CDK19: variants seen among roughly 807,000 people sequenced by gnomAD.
CDK19 encodes cyclin dependent kinase 19, also known as cyclin-dependent kinase 19.
A neutral mutation model predicts 68.3 loss-of-function variants in CDK19; 20 were observed. The ratio of observed to expected loss-of-function variants is 0.29; its 90% confidence interval spans 0.21 to 0.43. CDK19 has a LOEUF of 0.43. CDK19 is among the 20% of genes least tolerant of loss of function. The pLI is 1.00. For missense variants in CDK19, 339 were observed against 623.5 expected, an observed-to-expected ratio of 0.54 and a Z score of 4.86; for synonymous variants, 221 against 222.8, an observed-to-expected ratio of 0.99 and a Z score of 0.07.
intron 1 of CDK19, among the ~76,000 whole-genome samples, chr6:110,808,500 G>A (rs1327776116): frequency 6.6e-6 from 1 of 152,198 alleles, no homozygotes; most frequent in Non-Finnish European, 1.5e-5. Context: ...AATTGCACCA[G>A]AGACAGTAAA....
chr6:110,698,399 G>A (rs1773676745), intron 2 of CDK19, among the ~76,000 whole-genome samples: 1 of 151,620 alleles, frequency 6.6e-6, no homozygotes, highest in Non-Finnish European at 1.5e-5. Context: ...ATAAATATAT[G>A]AAAAAAATGC....
At chr6:110,783,637 C>CAA (rs57653696) in intron 1 of CDK19, among the ~76,000 whole-genome samples, 2 of 89,106 alleles carry the variant, frequency 2.2e-5, no homozygotes, top group East Asian at 2.5e-4. Context: ...GATTCTGTCT[C>CAA]AAAAAAAAAA....
intron 4 of CDK19, among the ~76,000 whole-genome samples, chr6:110,653,122 A>G (rs555316620): frequency 2.0e-5 from 3 of 152,362 alleles, no homozygotes; most frequent in South Asian, 4.1e-4. Flanking sequence ...CAAAATATGA[A>G]TAATAACAAA....
intron 2 of CDK19, among the ~76,000 whole-genome samples, chr6:110,686,191 A>C (rs1255260496): frequency 6.6e-6 from 1 of 152,224 alleles, no homozygotes; most frequent in Non-Finnish European, 1.5e-5. Flanking sequence ...AGGAGACAAA[A>C]TGGACAATTT....
chr6:110,775,177 G>A (rs1458335101), intron 1 of CDK19, among the ~76,000 whole-genome samples: 15 of 151,582 alleles, frequency 9.9e-5, no homozygotes, highest in African/African-American at 3.6e-4. Flanking sequence ...CCCTGGAGGC[G>A]GAGGTTGCAG....
At chr6:110,616,505 T>TA (rs1452538170) in intron 12 of CDK19, among the ~76,000 whole-genome samples, 1 of 151,902 alleles carries the variant, frequency 6.6e-6, no homozygotes, top group Non-Finnish European at 1.5e-5. Context: ...CCATCTCTAC[T>TA]AAAAATACAA....
At chr6:110,629,868 A>G (rs2114691226) in intron 6 of CDK19, among the ~76,000 whole-genome samples, 1 of 152,318 alleles carries the variant, frequency 6.6e-6, no homozygotes, top group Admixed American at 6.5e-5. Context: ...TTATGTTTTT[A>G]TCTTTAAGCG....
chr6:110,628,862 C>T (rs796355325), intron 6 of CDK19, among the ~76,000 whole-genome samples: 11 of 152,324 alleles, frequency 7.2e-5, no homozygotes, highest in African/African-American at 2.6e-4. Context: ...TTTTTAATTA[C>T]ACCATTGCCT....
chr6:110,697,268 A>T (rs1773557311), intron 2 of CDK19, among the ~76,000 whole-genome samples: 2 of 151,766 alleles, frequency 1.3e-5, no homozygotes, highest in Non-Finnish European at 1.5e-5. Flanking sequence ...TAAAAATAAA[A>T]AAATAAATTC....
At chr6:110,686,813 G>C (rs1385937226) in intron 2 of CDK19, among the ~76,000 whole-genome samples, 1 of 152,194 alleles carries the variant, frequency 6.6e-6, no homozygotes, top group Non-Finnish European at 1.5e-5. Context: ...TTTATCCTAT[G>C]TGGCCATAGT....
chr6:110,786,585 T>C (rs1175711889), intron 1 of CDK19, among the ~76,000 whole-genome samples: 2 of 152,090 alleles, frequency 1.3e-5, no homozygotes, highest in Admixed American at 1.3e-4. Flanking sequence ...AGACAATCCT[T>C]TCCATAGGGT....
intron 4 of CDK19, among the ~76,000 whole-genome samples, chr6:110,656,065 C>G (rs1276118124): frequency 6.6e-6 from 1 of 152,184 alleles, no homozygotes; most frequent in Non-Finnish European, 1.5e-5. Context: ...TCTATGAATC[C>G]TTTCCTATTC....
chr6:110,734,177 T>C (rs1776995091), intron 2 of CDK19, among the ~76,000 whole-genome samples: 1 of 152,098 alleles, frequency 6.6e-6, no homozygotes, highest in South Asian at 2.1e-4. Context: ...GTCAGGCTAA[T>C]TTTTGTATTT....
intron 1 of CDK19, among the ~76,000 whole-genome samples, chr6:110,770,967 T>C (rs1205043445): frequency 6.6e-6 from 1 of 152,192 alleles, no homozygotes. Flanking sequence ...ATGTGAGAAG[T>C]GGGTTCCCAT....
chr6:110,664,821 T>C (rs1177468075), intron 4 of CDK19, among the ~76,000 whole-genome samples: 1 of 152,164 alleles, frequency 6.6e-6, no homozygotes. Flanking sequence ...TGGTTCCAAG[T>C]AGACATGGAT....
At chr6:110,643,910 C>T (rs905717691) in intron 4 of CDK19, among the ~76,000 whole-genome samples, 1 of 151,866 alleles carries the variant, frequency 6.6e-6, no homozygotes, top group African/African-American at 2.4e-5. Context: ...GACCCCATCT[C>T]ACTATTAAAA....
intron 3 of CDK19, among the ~76,000 whole-genome samples, chr6:110,669,464 G>A (rs942851775): frequency 2.6e-5 from 4 of 151,914 alleles, no homozygotes; most frequent in East Asian, 1.9e-4. Context: ...GTGATAGAGC[G>A]AGACCCTGTC....
At chr6:110,794,647 C>T (rs1041449274) in intron 1 of CDK19, among the ~76,000 whole-genome samples, 23 of 151,956 alleles carry the variant, frequency 1.5e-4, no homozygotes, top group Non-Finnish European at 2.1e-4. Flanking sequence ...TCGTGATCCA[C>T]CCGCCTCAGC....
chr6:110,704,437 CTT>C (rs1206601248), intron 2 of CDK19, among the ~76,000 whole-genome samples: 2 of 152,066 alleles, frequency 1.3e-5, no homozygotes, highest in East Asian at 3.8e-4. Context: ...CCCACCAACC[CTT>C]GTCTGCTTTT....
Sources: allele counts gnomAD v4.1 joint callset (sites outside exome capture counted in the v4.1 genomes callset), GRCh38; gene constraint gnomAD v4.1.1; transcripts MANE v1.5; gene names NCBI Gene and HGNC (gene_info 2026-07-23, HGNC 2026-07-21).